Variants in ROBO2 observed in about 807,000 individuals in gnomAD.
ROBO2 encodes roundabout homolog 2.
A neutral mutation model predicts 160.8 loss-of-function variants in ROBO2; 53 were observed. The ratio of observed to expected loss-of-function variants is 0.33; its 90% confidence interval spans 0.26 to 0.41. ROBO2 has a LOEUF of 0.41. Among genes scored for constraint, ROBO2 ranks in the 10% least tolerant of loss-of-function variants. The pLI is 1.00. For missense variants in ROBO2, 1,577 were observed against 1,722.4 expected, an observed-to-expected ratio of 0.92 and a Z score of 1.49; for synonymous variants, 664 against 611.7, an observed-to-expected ratio of 1.09 and a Z score of -1.26.
intron 2 of ROBO2, among the ~76,000 whole-genome samples, chr3:77,468,743 T>C (rs2083044103): frequency 6.6e-6 from 1 of 152,250 alleles, no homozygotes; most frequent in Non-Finnish European, 1.5e-5. Flanking sequence ...AGGGCATTCT[T>C]GTTTATTCAA....
Position 77,261,437 on chromosome 3 carries a change from G to T in ROBO2, c.388+163097G>T, listed in dbSNP as rs546767758. 9.2e-5 allele frequency among the ~76,000 whole-genome samples: 14 copies of T among 152,108 alleles called. 1 individual carries two copies. Among genetic ancestry groups the T allele is most frequent in the African/African-American group, 3.4e-4 (14 of 41,516 alleles). ...CTTTTAAAATGATATTTAGTCTCAGGAAAAAAGAAGACATATTGTTATAAT... is the reference window on the plus strand; with the variant it reads ...CTTTTAAAATGATATTTAGTCTCAGTAAAAAAGAAGACATATTGTTATAAT... On this transcript the variant is annotated intron_variant, in intron 2 of 25. Coordinates refer to ENST00000461745, the Ensembl canonical transcript of ROBO2.
intron 17 of ROBO2, among the ~76,000 whole-genome samples, chr3:77,592,943 AAAGTTAAGG>A (rs1410921811): frequency 2.0e-5 from 3 of 152,184 alleles, no homozygotes; most frequent in Non-Finnish European, 4.4e-5. Flanking sequence ...TTCATGTATT[AAAGTTAAGG>A]GCCACTCAAT....
Position 76,427,066 on chromosome 3 carries a change from A to G in ROBO2, c.109+489464A>G, listed in dbSNP as rs1386235001. On this transcript the variant is annotated intron_variant, in intron 2 of 26. Coordinates refer to the ROBO2 transcript ENST00000487694. ...TTTCCTATGACCTAACTATTAGTCTATACTCTCAGCCTGATTGTGCTAGTC... is the reference window on the plus strand; with the variant it reads ...TTTCCTATGACCTAACTATTAGTCTGTACTCTCAGCCTGATTGTGCTAGTC... Among the ~76,000 whole-genome samples, 5 of 152,140 alleles carry G rather than the reference A, an allele frequency of 3.3e-5. No homozygotes were observed. In the East Asian group the frequency reaches 7.7e-4, roughly 23 times the overall value.
intron 2 of ROBO2, among the ~76,000 whole-genome samples, chr3:76,341,985 G>T (rs1433139105): frequency 2.0e-5 from 3 of 152,054 alleles, no homozygotes; most frequent in Non-Finnish European, 4.4e-5. Context: ...CAATACTTTG[G>T]TATAAAATTT....
At chr3:76,130,934 C>T (rs185772072) in intron 2 of ROBO2, among the ~76,000 whole-genome samples, 94 of 152,232 alleles carry the variant, frequency 6.2e-4, no homozygotes, top group South Asian at 2.7e-3. Context: ...TAAATGTTTC[C>T]CTCATTGCCC....
chr3:76,325,508 C>CCATACTTGTAAA (rs1458148373), intron 2 of ROBO2, among the ~76,000 whole-genome samples: 2 of 152,112 alleles, frequency 1.3e-5, no homozygotes, highest in East Asian at 3.9e-4. Flanking sequence ...AGGTATCAGA[C>CCATACTTGTAAA]CATACTTGTA....
chr3:77,193,001 T>C (rs2081999680), intron 2 of ROBO2, among the ~76,000 whole-genome samples: 1 of 152,028 alleles, frequency 6.6e-6, no homozygotes, highest in Non-Finnish European at 1.5e-5. Flanking sequence ...TATTATAATA[T>C]GTTTTAAAAT....
At chr3:77,040,311 G>A in exon 1 of ROBO2, 6 of 995,726 alleles carry the variant, frequency 6.0e-6, no homozygotes, top group Non-Finnish European at 7.2e-6. Flanking sequence ...GAGCTGCTAC[G>A]GAGAAGGAAA....
At chr3:77,529,884 T>G (rs941495440) in intron 6 of ROBO2, among the ~76,000 whole-genome samples, 1 of 151,970 alleles carries the variant, frequency 6.6e-6, no homozygotes, top group Non-Finnish European at 1.5e-5. Flanking sequence ...GGATATGTTT[T>G]AATTGGATTT....
At chr3:77,175,529 G>T (rs2080067297) in intron 2 of ROBO2, among the ~76,000 whole-genome samples, 1 of 151,982 alleles carries the variant, frequency 6.6e-6, no homozygotes. Context: ...CTACGTGTTA[G>T]CAACAGTGGA....
rs34287005 is a variant in ROBO2, at chr3:76,300,333, C to CA, written c.109+362741dup. ...TCACCAACATTAAATAGGTCTGTGT[C>CA]AAAAAAAAAATTACATTCTTTTTTT... On this transcript the variant is annotated intron_variant, in intron 2 of 26. Transcript: ENST00000487694. 3.9e-3 allele frequency among the ~76,000 whole-genome samples: 584 copies of CA among 148,230 alleles called. 3 individuals are homozygous for CA. The highest frequency in any genetic ancestry group is 0.013 in the African/African-American group (531 of 40,562).
chr3:77,043,000 ACT>A (rs2064249617), intron 1 of ROBO2, among the ~76,000 whole-genome samples: 2 of 152,200 alleles, frequency 1.3e-5, no homozygotes, highest in South Asian at 4.1e-4. Context: ...AACCCTGGAC[ACT>A]CTTACTAAAT....
At chr3:76,624,322 C>T (rs1436544600) in intron 2 of ROBO2, among the ~76,000 whole-genome samples, 1 of 152,150 alleles carries the variant, frequency 6.6e-6, no homozygotes, top group East Asian at 1.9e-4. Context: ...GAGTCCCTTC[C>T]GGGTCAAAGT....
intron 1 of ROBO2, among the ~76,000 whole-genome samples, chr3:77,084,258 G>T (rs1337855447): frequency 6.6e-6 from 1 of 152,012 alleles, no homozygotes; most frequent in African/African-American, 2.4e-5. Context: ...ATTTGAAAGT[G>T]GGGAAAATTA....
exon 8 of ROBO2, chr3:77,550,892 C>T (rs746527347): frequency 1.2e-6 from 2 of 1,613,114 alleles, no homozygotes; most frequent in Admixed American, 3.3e-5. Context: ...ACCTCACAAT[C>T]ACCAACATTC....
chr3:76,706,825 T>C (rs1391440736), intron 2 of ROBO2, among the ~76,000 whole-genome samples: 2 of 152,104 alleles, frequency 1.3e-5, no homozygotes, highest in Admixed American at 1.3e-4. Context: ...CAAAAATAAA[T>C]AGATGACAGC....
chr3:77,082,444 A>G (rs1463333895), intron 1 of ROBO2, among the ~76,000 whole-genome samples: 1 of 152,094 alleles, frequency 6.6e-6, no homozygotes, highest in East Asian at 1.9e-4. Flanking sequence ...GTGACTGATC[A>G]TTGGGTATTT....
At chr3:76,064,240 T>C (rs1164634372) in intron 2 of ROBO2, among the ~76,000 whole-genome samples, 1 of 152,190 alleles carries the variant, frequency 6.6e-6, no homozygotes, top group Non-Finnish European at 1.5e-5. Context: ...TCGTGTGTTG[T>C]GTTACGCTTC....
chr3:76,603,354 AT>A (rs2087377302), intron 2 of ROBO2, among the ~76,000 whole-genome samples: 20 of 66,878 alleles, frequency 3.0e-4, no homozygotes, highest in East Asian at 4.8e-4. Context: ...AAAAAAAAAT[AT>A]ATATATATAT....
Sources: gnomAD v4.1 joint callset for allele counts (sites outside exome capture counted in the v4.1 genomes callset) on GRCh38, gnomAD v4.1.1 for gene constraint, MANE v1.5 for transcripts, NCBI Gene and HGNC (gene_info 2026-07-23, HGNC 2026-07-21) for gene names.